The following AKR1B10 variants were observed in gnomAD, a reference collection of about 807,000 sequenced individuals.
AKR1B10 encodes ARP.
AKR1B10 carries 39 observed loss-of-function variants against 38.9 expected under a neutral mutation model. That is an observed-to-expected ratio of 1.00 (90% CI 0.78 to 1.31). AKR1B10 has a LOEUF of 1.31. Among genes scored for constraint, AKR1B10 ranks in the 50% most tolerant of loss-of-function variants. The pLI is 0.00. For synonymous variants in AKR1B10, 148 were observed against 141.2 expected, an observed-to-expected ratio of 1.05 and a Z score of -0.34; for missense variants, 361 against 382.6, an observed-to-expected ratio of 0.94 and a Z score of 0.47.
chr7:134,539,055 G>A (rs760312824), intron 9 of AKR1B10, 38 bp downstream of exon 9: 4 of 1,611,850 alleles, frequency 2.5e-6, no homozygotes, highest in Non-Finnish European at 3.4e-6. Flanking sequence ...ATTGCCAGGA[G>A]TTTTTCTAAA....
Position 134,527,724 on chromosome 7 carries a change from T to TTTCATCAAA in AKR1B10, c.-188_-187insTTCATCAAA. Reference sequence around the variant, plus strand: ...AGCTGGGAGTCACGGTGGGCGCCTGTAATCCCAGCTACTCGGGAGGCTGAG... The same window carrying TTTCATCAAA: ...AGCTGGGAGTCACGGTGGGCGCCTGTTTCATCAAAAATCCCAGCTACTCGGGAGGCTGAG... On this transcript the variant is annotated 5_prime_UTR_variant, in exon 1 of 10. Transcript: ENST00000359579. 2.0e-6 allele frequency: 1 copy of TTTCATCAAA among 499,806 alleles called. No individual in the cohort carries two copies. The highest frequency in any genetic ancestry group is 3.3e-6 in the Non-Finnish European group (1 of 307,392). The allele number at this position is 499,806 out of a possible 1,614,324, so 31.0% of individuals were successfully genotyped here. A position where few individuals can be genotyped will look rare whatever the true frequency, so the allele number is the denominator to read the frequency against.
intron 6 of AKR1B10, 31 bp from the exon 7 acceptor site, chr7:134,537,549 A>G: frequency 6.2e-7 from 1 of 1,605,360 alleles, no homozygotes; most frequent in South Asian, 1.1e-5. Context: ...AGCCATGGTG[A>G]TTATTCACAT....
chr7:134,535,931 G>C (rs975574319), intron 4 of AKR1B10, among the ~76,000 whole-genome samples: 1 of 152,192 alleles, frequency 6.6e-6, no homozygotes, highest in African/African-American at 2.4e-5. Flanking sequence ...CTTTGGGCAA[G>C]TTTGGAAAAT....
chr7:134,539,396 A>T (rs533998336), intron 9 of AKR1B10, among the ~76,000 whole-genome samples: 1 of 152,140 alleles, frequency 6.6e-6, no homozygotes, highest in South Asian at 2.1e-4. Flanking sequence ...GGAGGGAGGG[A>T]AGAAGAGACA....
Position 134,532,983 on chromosome 7 carries a change from C to T in AKR1B10, c.352-21C>T, listed in dbSNP as rs144930647. On this transcript the variant is annotated intron_variant, in intron 3 of 9. Transcript: ENST00000359579. Reference sequence around the variant, plus strand: ...GTGTCCTGATGCAGATTCCAGTAAACTTTTCATTCTGTGTTCACAGTCTGG... The same window carrying T: ...GTGTCCTGATGCAGATTCCAGTAAATTTTTCATTCTGTGTTCACAGTCTGG... The T allele has an allele frequency of 1.0e-3, 1,673 of 1,593,796 alleles. 13 individuals carry two copies. The African/African-American group carries it at 0.019, about 18-fold the overall frequency.
Position 134,541,357 on chromosome 7 carries a change from ACT to A in AKR1B10, c.*271_*272del, listed in dbSNP as rs1369176237. On this transcript the variant is annotated 3_prime_UTR_variant, in exon 10 of 10. Transcript: ENST00000359579. Reference sequence around the variant, plus strand: ...AACAAATGTTTATTAAGCATCAGAAACTCTGCCAACACTGAGGATGTAAAGAT... The same window carrying A: ...AACAAATGTTTATTAAGCATCAGAAACTGCCAACACTGAGGATGTAAAGAT... 1.9e-5 allele frequency: 7 copies of A among 373,660 alleles called. No homozygotes were observed. The highest frequency in any genetic ancestry group is 6.5e-5 in the African/African-American group (3 of 46,294). The allele number at this position is 373,660 out of a possible 1,614,324, so 23.1% of individuals were successfully genotyped here.
chr7:134,534,204 G>A (rs538792519), intron 4 of AKR1B10, among the ~76,000 whole-genome samples: 6 of 152,110 alleles, frequency 3.9e-5, no homozygotes, highest in East Asian at 1.9e-4. Flanking sequence ...TCACTGCAAC[G>A]TCCCTCTACC....
chr7:134,536,263 G>T (rs1200201923), intron 4 of AKR1B10, among the ~76,000 whole-genome samples: 1 of 152,220 alleles, frequency 6.6e-6, no homozygotes, highest in Non-Finnish European at 1.5e-5. Context: ...CTATCATTTG[G>T]ATTCATTAAA....
intron 3 of AKR1B10, among the ~76,000 whole-genome samples, chr7:134,532,408 G>A (rs1230494761): frequency 1.3e-5 from 2 of 152,118 alleles, no homozygotes; most frequent in African/African-American, 2.4e-5. Context: ...ATCTTATTAA[G>A]CAAAGTACAC....
intron 4 of AKR1B10, among the ~76,000 whole-genome samples, chr7:134,535,872 G>A (rs1399371226): frequency 6.6e-6 from 1 of 152,088 alleles, no homozygotes; most frequent in Non-Finnish European, 1.5e-5. Flanking sequence ...GTAATAGATG[G>A]CTACTAAATA....
rs1425657403 is a variant in AKR1B10 at position 134,531,559 on chromosome 7, A to C, written c.235-349A>C. 2.0e-5 allele frequency among the ~76,000 whole-genome samples: 3 copies of C among 152,158 alleles called. No individual in the cohort carries two copies. The East Asian group carries it at 5.8e-4, about 29-fold the overall frequency. ...GCTCCCAAAGGCCTAAGAATGCTTG[A>C]CATTTAAAAGCTACACACAATTCCT... On this transcript the variant is annotated intron_variant, in intron 2 of 9. Transcript: ENST00000359579.
chr7:134,535,636 TGAAG>T (rs1807981080), intron 4 of AKR1B10: 1 of 512,414 alleles, frequency 2.0e-6, no homozygotes, highest in Non-Finnish European at 2.5e-6. Context: ...ATACTCTACC[TGAAG>T]GACTCCCCTG....
intron 9 of AKR1B10, among the ~76,000 whole-genome samples, chr7:134,539,309 C>G (rs552267553): frequency 6.6e-6 from 1 of 152,116 alleles, no homozygotes; most frequent in African/African-American, 2.4e-5. Flanking sequence ...CAATATCTCA[C>G]GGTCATCTAT....
rs369875874 is a variant in AKR1B10, at chr7:134,532,392, A to G, written c.351+368A>G. Among the ~76,000 whole-genome samples, 112 of 152,240 alleles carry G rather than the reference A, an allele frequency of 7.4e-4. 2 individuals are homozygous for G. The highest frequency in any genetic ancestry group is 2.6e-3 in the African/African-American group (107 of 41,526). ...CTCTTGCATAACTATATTCCAGGGCATAATTATCTTATTAAGCAAAGTACA... is the reference window on the plus strand; with the variant it reads ...CTCTTGCATAACTATATTCCAGGGCGTAATTATCTTATTAAGCAAAGTACA... On this transcript the variant is annotated intron_variant, in intron 3 of 9. Transcript: ENST00000359579.
chr7:134,534,509 G>A (rs76568619), intron 4 of AKR1B10, among the ~76,000 whole-genome samples: 9,333 of 152,180 alleles, frequency 0.061, 478 homozygotes, highest in African/African-American at 0.13. Flanking sequence ...CCTGCTTCTC[G>A]CAGTGCTGTT....
At chr7:134,534,859 A>G (rs1046588818) in intron 4 of AKR1B10, among the ~76,000 whole-genome samples, 4 of 152,234 alleles carry the variant, frequency 2.6e-5, no homozygotes, top group Admixed American at 6.5e-5. Flanking sequence ...GGATAACATC[A>G]TATATCCTAG....
chr7:134,530,169 T>G (rs773209389), intron 1 of AKR1B10, among the ~76,000 whole-genome samples: 3 of 152,122 alleles, frequency 2.0e-5, no homozygotes, highest in Admixed American at 6.5e-5. Flanking sequence ...TTTGGGGAAA[T>G]TGTCTGAAAA....
Position 134,527,738 on chromosome 7 carries a change from C to T in AKR1B10, c.-174C>T, listed in dbSNP as rs1440110763. 1.8e-5 allele frequency: 13 copies of T among 739,434 alleles called. No individual in the cohort carries two copies. The highest frequency in any genetic ancestry group is 3.1e-5 in the East Asian group (1 of 31,970). The allele number at this position is 739,434 out of a possible 1,614,324, so 45.8% of individuals were successfully genotyped here. On this transcript the variant is annotated 5_prime_UTR_variant, in exon 1 of 10. Transcript: ENST00000359579. ...GTGGGCGCCTGTAATCCCAGCTACT[C>T]GGGAGGCTGAGGCAGGAGAATTGCT...
intron 9 of AKR1B10, 142 bp from the exon 10 acceptor site, chr7:134,540,903 GCA>G: frequency 1.5e-6 from 1 of 653,700 alleles, no homozygotes; most frequent in East Asian, 2.9e-5. Flanking sequence ...CAAAGTGTGG[GCA>G]CCCTCCTTAT....
Sources: allele counts gnomAD v4.1 joint callset (sites outside exome capture counted in the v4.1 genomes callset), GRCh38; gene constraint gnomAD v4.1.1; transcripts MANE v1.5; gene names NCBI Gene and HGNC (gene_info 2026-07-23, HGNC 2026-07-21).